The following RARB variants were observed in gnomAD, a reference collection of about 807,000 sequenced individuals.
The protein encoded by RARB is retinoic acid receptor beta, also known as HBV-activated protein.
A neutral mutation model predicts 51.9 loss-of-function variants in RARB; 17 were observed. The observed-to-expected ratio is 0.33, with a 90% confidence interval of 0.22 to 0.49. The LOEUF (loss-of-function observed/expected upper bound fraction) is 0.49, where lower values mean the gene tolerates loss of function less well. Among genes scored for constraint, RARB ranks in the 20% least tolerant of loss-of-function variants. The pLI is 0.99. For synonymous variants in RARB, 215 were observed against 195.4 expected (o/e 1.10, Z -0.84); for missense variants, 369 against 550.8 (o/e 0.67, Z 3.30).
At chr3:25,444,449 C>G (rs965745579) in intron 1 of RARB, among the ~76,000 whole-genome samples, 1 of 152,196 alleles carries the variant, frequency 6.6e-6, no homozygotes, top group Non-Finnish European at 1.5e-5. Flanking sequence ...TGCTGTGCCC[C>G]TACTGTTCAA....
At chr3:24,846,488 T>C (rs1245452143) in intron 1 of RARB, among the ~76,000 whole-genome samples, 4 of 152,226 alleles carry the variant, frequency 2.6e-5, no homozygotes, top group Non-Finnish European at 5.9e-5. Context: ...AAATGTGACA[T>C]CAGCATTATC....
At chr3:25,576,284 T>C (rs3773439) in intron 4 of RARB, among the ~76,000 whole-genome samples, 61,718 of 151,924 alleles carry the variant, frequency 0.41, 13,043 homozygotes, top group African/African-American at 0.52. Flanking sequence ...AAGAAGGTGG[T>C]GCCTAGCTGC....
chr3:24,955,545 G>GTT (rs1182775985), intron 2 of RARB, among the ~76,000 whole-genome samples: 1 of 152,160 alleles, frequency 6.6e-6, no homozygotes, highest in Admixed American at 6.5e-5. Context: ...CCAAGAGAAA[G>GTT]TTTCCCCTTT....
At chr3:25,177,778 A>G (rs2574991) in intron 5 of RARB, among the ~76,000 whole-genome samples, 147,587 of 152,308 alleles carry the variant, frequency 0.97, 71,530 homozygotes, top group African/African-American at 0.99. Context: ...ATTCCCACAC[A>G]TAAAGTTGTC....
intron 5 of RARB, among the ~76,000 whole-genome samples, chr3:25,341,218 G>C (rs1349894113): frequency 6.6e-6 from 1 of 152,190 alleles, no homozygotes; most frequent in East Asian, 1.9e-4. Flanking sequence ...GCATGAAGCA[G>C]ACCTTTAATA....
chr3:25,277,880 A>G (rs187157607), intron 5 of RARB, among the ~76,000 whole-genome samples: 130 of 152,314 alleles, frequency 8.5e-4, no homozygotes, highest in African/African-American at 3.0e-3. Context: ...ACCTCTTTAT[A>G]GTCACTACTC....
At chr3:25,289,774 C>T (rs1703742986) in intron 5 of RARB, among the ~76,000 whole-genome samples, 1 of 152,070 alleles carries the variant, frequency 6.6e-6, no homozygotes, top group African/African-American at 2.4e-5. Flanking sequence ...CCTTTGGTTT[C>T]TTGGAAGTAC....
chr3:24,946,811 G>T (rs926772305), intron 2 of RARB, among the ~76,000 whole-genome samples: 1 of 152,164 alleles, frequency 6.6e-6, no homozygotes, highest in Non-Finnish European at 1.5e-5. Flanking sequence ...GCTGCAGTGA[G>T]CAATGACATT....
chr3:24,829,537 C>T (rs958651019), intron 1 of RARB, among the ~76,000 whole-genome samples: 13 of 152,064 alleles, frequency 8.5e-5, no homozygotes, highest in Non-Finnish European at 2.9e-5. Flanking sequence ...GGCTGCCTAG[C>T]AGGGATTTTG....
At chr3:24,985,094 C>G (rs1696759137) in intron 2 of RARB, among the ~76,000 whole-genome samples, 1 of 152,148 alleles carries the variant, frequency 6.6e-6, no homozygotes, top group Non-Finnish European at 1.5e-5. Context: ...AAACTCATAT[C>G]CATTTAATGA....
intron 5 of RARB, among the ~76,000 whole-genome samples, chr3:25,332,708 T>A (rs955651417): frequency 3.3e-5 from 5 of 152,186 alleles, no homozygotes; most frequent in Non-Finnish European, 7.3e-5. Flanking sequence ...ATAAAGGGTA[T>A]TCAATTAGGA....
chr3:25,134,577 C>T (rs371627629), intron 4 of RARB, among the ~76,000 whole-genome samples: 6 of 151,886 alleles, frequency 4.0e-5, no homozygotes, highest in East Asian at 1.9e-4. Context: ...AGGATGATAA[C>T]GTGATACTAT....
intron 3 of RARB, among the ~76,000 whole-genome samples, chr3:25,100,972 TCATGGA>T: frequency 6.6e-6 from 1 of 152,306 alleles, no homozygotes; most frequent in Admixed American, 6.5e-5. Flanking sequence ...GCAATTGAAA[TCATGGA>T]TTAGAAAGGC....
chr3:25,473,811 A>T (rs1436388843), intron 2 of RARB, among the ~76,000 whole-genome samples: 1 of 150,598 alleles, frequency 6.6e-6, no homozygotes, highest in Non-Finnish European at 1.5e-5. Flanking sequence ...TGTTTCATTT[A>T]TAACAGAGAT....
At chr3:25,167,053 G>A (rs551682760) in intron 4 of RARB, among the ~76,000 whole-genome samples, 26 of 152,244 alleles carry the variant, frequency 1.7e-4, no homozygotes, top group African/African-American at 6.3e-4. Context: ...TGCCACAAGG[G>A]AATGCCAATT....
At chr3:25,060,455 G>A (rs962448763) in intron 3 of RARB, among the ~76,000 whole-genome samples, 4 of 151,888 alleles carry the variant, frequency 2.6e-5, no homozygotes, top group African/African-American at 7.2e-5. Context: ...ACTATAAGGG[G>A]CCAGATAGTG....
rs369697298 is a variant in RARB at position 25,573,495 on chromosome 3, A to AC, written c.609+3579dup. Among the ~76,000 whole-genome samples, 4 of 152,220 alleles carry AC rather than the reference A, an allele frequency of 2.6e-5. No individual in the cohort carries two copies. The East Asian group carries it at 7.7e-4, about 29-fold the overall frequency. On this transcript the variant is annotated intron_variant, in intron 4 of 7. Coordinates refer to ENST00000330688, the MANE Select transcript of RARB (RefSeq NM_000965.5). ...GCATCCTTCCGGAGGCCTGCTGCCCACCGCGGGGTGGAGGGCGCTCTGAGC... is the reference window on the plus strand; with the variant it reads ...GCATCCTTCCGGAGGCCTGCTGCCCACCCGCGGGGTGGAGGGCGCTCTGAGC...
intron 3 of RARB, among the ~76,000 whole-genome samples, chr3:25,074,347 TCA>T (rs138875304): frequency 1.3e-5 from 2 of 152,238 alleles, no homozygotes; most frequent in East Asian, 3.9e-4. Context: ...CTGCTGAAAA[TCA>T]GAATGATAGG....
At chr3:24,998,848 C>T (rs1697099107) in intron 2 of RARB, among the ~76,000 whole-genome samples, 1 of 152,026 alleles carries the variant, frequency 6.6e-6, no homozygotes, top group East Asian at 1.9e-4. Context: ...AATTTTATAA[C>T]ATATTCTTAG....
Sources: allele counts gnomAD v4.1 joint callset (sites outside exome capture counted in the v4.1 genomes callset), GRCh38; gene constraint gnomAD v4.1.1; transcripts MANE v1.5; gene names NCBI Gene and HGNC (gene_info 2026-07-23, HGNC 2026-07-21).